Variants in NKAIN3 observed in about 807,000 individuals in gnomAD.
NKAIN3 encodes sodium/potassium transporting ATPase interacting 3.
NKAIN3 carries 25 observed loss-of-function variants against 30.2 expected under a neutral mutation model. That is an observed-to-expected ratio of 0.83 (90% CI 0.60 to 1.16). The LOEUF (loss-of-function observed/expected upper bound fraction) is 1.16, where lower values mean the gene tolerates loss of function less well. NKAIN3 is among the 50% of genes most tolerant of loss of function. The pLI, the probability that NKAIN3 is intolerant of heterozygous loss-of-function variation, is 0.00. For missense variants in NKAIN3, 225 were observed against 254.1 expected (o/e 0.89, Z 0.78); for synonymous variants, 91 against 89.6 (o/e 1.02, Z -0.09).
intron 1 of NKAIN3, among the ~76,000 whole-genome samples, chr8:62,553,728 G>A (rs1010411037): frequency 1.4e-4 from 21 of 151,858 alleles, no homozygotes; most frequent in African/African-American, 4.8e-4. Context: ...ACTGGAGACA[G>A]GGTTTCACTA....
intron 5 of NKAIN3, among the ~76,000 whole-genome samples, chr8:62,939,039 A>G (rs1822869338): frequency 6.6e-6 from 1 of 152,210 alleles, no homozygotes; most frequent in Admixed American, 6.5e-5. Context: ...CCAGAGAAAT[A>G]GAAAGCACAA....
chr8:62,569,326 A>G (rs1477027663), intron 1 of NKAIN3, among the ~76,000 whole-genome samples: 6 of 152,114 alleles, frequency 3.9e-5, no homozygotes, highest in Non-Finnish European at 8.8e-5. Context: ...TAAAATATAA[A>G]ACTGTACTTG....
At chr8:62,646,454 A>G (rs1223884341) in intron 3 of NKAIN3, among the ~76,000 whole-genome samples, 1 of 152,192 alleles carries the variant, frequency 6.6e-6, no homozygotes, top group East Asian at 1.9e-4. Context: ...CTAGTGCAGA[A>G]GATGATATGC....
intron 1 of NKAIN3, among the ~76,000 whole-genome samples, chr8:62,426,447 G>A (rs1345788790): frequency 6.6e-6 from 1 of 151,938 alleles, no homozygotes; most frequent in Non-Finnish European, 1.5e-5. Context: ...AACTACTGGA[G>A]TATTTATGAA....
intron 1 of NKAIN3, among the ~76,000 whole-genome samples, chr8:62,351,572 A>AT (rs1171353913): frequency 6.6e-6 from 1 of 151,034 alleles, no homozygotes; most frequent in Non-Finnish European, 1.5e-5. Context: ...AAGAATACAT[A>AT]TGTATATTTG....
intron 6 of NKAIN3, among the ~76,000 whole-genome samples, chr8:62,959,433 G>GGTGTGTGTGTGGGT (rs71559385): frequency 6.3e-5 from 9 of 143,154 alleles, no homozygotes; most frequent in African/African-American, 2.4e-4. Context: ...GACAAATCAG[G>GGTGTGTGTGTGGGT]GTGTGTGTGT....
intron 1 of NKAIN3, among the ~76,000 whole-genome samples, chr8:62,404,078 TCA>T (rs534314819): frequency 8.4e-4 from 128 of 152,360 alleles, no homozygotes; most frequent in African/African-American, 2.8e-3. Context: ...TGTTTTGGAC[TCA>T]CATGGGGCCC....
intron 5 of NKAIN3, among the ~76,000 whole-genome samples, chr8:62,928,509 T>C (rs1563632071): frequency 6.6e-6 from 1 of 152,212 alleles, no homozygotes; most frequent in Non-Finnish European, 1.5e-5. Flanking sequence ...ATGTACAAGC[T>C]TGTGTCAGAG....
intron 4 of NKAIN3, among the ~76,000 whole-genome samples, chr8:62,749,591 G>A (rs1209902511): frequency 1.3e-5 from 2 of 151,532 alleles, no homozygotes; most frequent in South Asian, 2.1e-4. Context: ...TGTATTAGTG[G>A]TGTGACTGAT....
intron 1 of NKAIN3, among the ~76,000 whole-genome samples, chr8:62,313,038 A>G (rs1814498933): frequency 6.6e-6 from 1 of 152,084 alleles, no homozygotes; most frequent in South Asian, 2.1e-4. Context: ...GAAAAAAAAA[A>G]CTCAGGTGAA....
At chr8:62,798,863 G>A (rs997518110) in intron 4 of NKAIN3, among the ~76,000 whole-genome samples, 4 of 152,160 alleles carry the variant, frequency 2.6e-5, no homozygotes, top group Non-Finnish European at 5.9e-5. Context: ...GAGATATCAA[G>A]AAAACATTGC....
At chr8:62,794,240 T>C (rs1375309698) in intron 4 of NKAIN3, among the ~76,000 whole-genome samples, 1 of 152,202 alleles carries the variant, frequency 6.6e-6, no homozygotes, top group Non-Finnish European at 1.5e-5. Context: ...GGCATCAAAA[T>C]GAGCTGATTT....
chr8:62,349,119 A>T lies in NKAIN3; in HGVS notation c.54+99992A>T, dbSNP rs542673832. On this transcript the variant is annotated intron_variant, in intron 1 of 6. Transcript: ENST00000623646. ...ATATGGACAAAGGAAAAGCCTGAGTATTTCATGAGCCTCATTAGTTCTTGG... is the reference window on the plus strand; with the variant it reads ...ATATGGACAAAGGAAAAGCCTGAGTTTTTCATGAGCCTCATTAGTTCTTGG... Among the ~76,000 whole-genome samples, 9 of 152,290 alleles carry T rather than the reference A, an allele frequency of 5.9e-5. No individual in the cohort carries two copies. The East Asian group carries it at 1.4e-3, about 23-fold the overall frequency.
intron 5 of NKAIN3, among the ~76,000 whole-genome samples, chr8:62,947,916 C>T (rs183262636): frequency 6.6e-6 from 1 of 152,350 alleles, no homozygotes. Context: ...TAAACCTTTC[C>T]TGCTAGGCTC....
Position 62,565,673 on chromosome 8 carries a change from A to G in NKAIN3, c.55-13866A>G, listed in dbSNP as rs193114435. ...AAGTGGATTTAAATTTGGTGAAACT[A>G]AAATTGAATATAGATGCTACTTCAC... is the stretch of plus-strand genomic sequence containing the variant. On this transcript the variant is annotated intron_variant, in intron 1 of 6. Transcript: ENST00000623646. 4.8e-3 allele frequency among the ~76,000 whole-genome samples: 737 copies of G among 152,286 alleles called. 6 individuals carry two copies. Among genetic ancestry groups the G allele is most frequent in the African/African-American group, 0.017 (691 of 41,586 alleles).
chr8:62,833,096 G>C (rs1430338375), intron 4 of NKAIN3, among the ~76,000 whole-genome samples: 1 of 152,020 alleles, frequency 6.6e-6, no homozygotes, highest in East Asian at 1.9e-4. Flanking sequence ...TAACTTCTGG[G>C]TAAATAATAA....
chr8:62,870,019 G>C (rs1434053776), intron 4 of NKAIN3, among the ~76,000 whole-genome samples: 2 of 150,910 alleles, frequency 1.3e-5, no homozygotes, highest in East Asian at 2.0e-4. Flanking sequence ...ATCCACCCGC[G>C]TCGGCCTCCC....
intron 4 of NKAIN3, among the ~76,000 whole-genome samples, chr8:62,795,238 T>TACAAATGTA (rs1275680944): frequency 6.6e-6 from 1 of 152,204 alleles, no homozygotes; most frequent in Non-Finnish European, 1.5e-5. Flanking sequence ...TTTCTTCTCT[T>TACAAATGTA]ACAAATGTAA....
At chr8:62,250,767 C>T (rs1812076457) in intron 1 of NKAIN3, among the ~76,000 whole-genome samples, 1 of 152,138 alleles carries the variant, frequency 6.6e-6, no homozygotes, top group Non-Finnish European at 1.5e-5. Context: ...CCCTTCTTTC[C>T]ACTTTCTTAG....
Sources: gnomAD v4.1 joint callset for allele counts (sites outside exome capture counted in the v4.1 genomes callset) on GRCh38, gnomAD v4.1.1 for gene constraint, MANE v1.5 for transcripts, NCBI Gene and HGNC (gene_info 2026-07-23, HGNC 2026-07-21) for gene names.